The following RSBN1L variants were observed in gnomAD, a reference collection of about 807,000 sequenced individuals.
RSBN1L encodes the protein round spermatid basic protein 1 like.
Under a neutral mutation model 67.7 loss-of-function variants are expected in RSBN1L, and 30 were observed. The observed-to-expected ratio is 0.44, with a 90% CI of 0.33 to 0.60. RSBN1L has a LOEUF of 0.60. RSBN1L is among the 20% of genes least tolerant of loss of function. The probability of loss-of-function intolerance (pLI) is 0.02; values close to 1 mark genes in which losing one functional copy is unlikely to be tolerated. For synonymous variants in RSBN1L, 433 were observed against 387.0 expected (o/e 1.12, Z -1.39); for missense variants, 992 against 1,031.7 (o/e 0.96, Z 0.53).
intron 5 of RSBN1L, among the ~76,000 whole-genome samples, chr7:77,769,321 A>G (rs1791814578): frequency 6.6e-6 from 1 of 152,230 alleles, no homozygotes; most frequent in Admixed American, 6.5e-5. Flanking sequence ...AAATTACTAT[A>G]AAGTTCAAAT....
chr7:77,771,707 G>A (rs1315247783), intron 5 of RSBN1L, among the ~76,000 whole-genome samples: 9 of 151,838 alleles, frequency 5.9e-5, no homozygotes, highest in African/African-American at 7.2e-5. Flanking sequence ...ACGGGATTTC[G>A]CCGTTTTGGC....
At chr7:77,711,971 G>A (rs139327567) in intron 1 of RSBN1L, among the ~76,000 whole-genome samples, 1 of 152,120 alleles carries the variant, frequency 6.6e-6, no homozygotes, top group Non-Finnish European at 1.5e-5. Context: ...ACCTGTGTGA[G>A]GGTAAGGGTC....
chr7:77,750,103 T>C (rs775499437), intron 3 of RSBN1L, 39 bp downstream of exon 3: 36 of 1,255,078 alleles, frequency 2.9e-5, no homozygotes, highest in Middle Eastern at 2.9e-4. Context: ...CTTTTAATTA[T>C]ATATTTTTAG....
rs1242517037 is a variant in RSBN1L, at chr7:77,749,696, G to A, written c.976G>A (p.Val326Ile). The change falls in exon 3 of 8, where the codon GTC (valine) becomes ATC (isoleucine). Residue 326 changes from valine to isoleucine, a missense_variant. This residue lies in a region of RSBN1L where 575 missense variants were observed against 483.2 expected (regional missense o/e 1.19). Coordinates refer to ENST00000334955, the MANE Select transcript of RSBN1L (RefSeq NM_198467.3). ...TCCAGAGAACAGTGAGTTTCCATTTGTCTCATTAAAGGAGCCACGAGTTCA... is the reference window on the plus strand; with the variant it reads ...TCCAGAGAACAGTGAGTTTCCATTTATCTCATTAAAGGAGCCACGAGTTCA... Reference protein sequence around the residue: ...KIPENSEFPFVSLKEPRVQNN... With the variant: ...KIPENSEFPFISLKEPRVQNN... 24 of 1,614,090 alleles carry A rather than the reference G, an allele frequency of 1.5e-5. No homozygotes were observed. Among genetic ancestry groups the A allele is most frequent in the Non-Finnish European group, 1.9e-5 (22 of 1,179,996 alleles).
At chr7:77,736,111 C>T (rs1489553532) in intron 1 of RSBN1L, among the ~76,000 whole-genome samples, 1 of 151,964 alleles carries the variant, frequency 6.6e-6, no homozygotes, top group Non-Finnish European at 1.5e-5. Flanking sequence ...TTTTGCTTCA[C>T]CTAAAGTTAG....
Position 77,696,998 on chromosome 7 carries a change from C to G in RSBN1L, c.529C>G (p.Arg177Gly). 3.9e-6 allele frequency: 6 copies of G among 1,536,198 alleles called. No individual in the cohort carries two copies. Among genetic ancestry groups the G allele is most frequent in the South Asian group, 1.2e-5 (1 of 84,406 alleles). The change falls in exon 1 of 8, where the codon CGA becomes GGA. Residue 177 changes from arginine to glycine, a missense_variant. Physicochemically the swap from Arg to Gly is moderately radical, Grantham distance 125. This residue lies in a region of RSBN1L where 575 missense variants were observed against 483.2 expected (regional missense o/e 1.19). Transcript: ENST00000334955. ...GAGGAGGCACGGTCTCGGTGGGGCC[C>G]GAGAGGCCGGCGGGGCCTCCCGGGA... ...ERRRHGLGGA[R>G]EAGGASREEN...
chr7:77,711,343 T>TA (rs1491166420), intron 1 of RSBN1L, among the ~76,000 whole-genome samples: 1 of 123,942 alleles, frequency 8.1e-6, no homozygotes, highest in African/African-American at 3.5e-5. Context: ...TTTTTTTTTT[T>TA]ACCATTTTTA....
rs1190739379 is a variant in RSBN1L at position 77,767,727 on chromosome 7, C to T, written c.1483-934C>T. The stretch of plus-strand genomic sequence containing the variant: ...CCCTTCACCTCTGTCTCTCGCCTCG[C>T]CTCCCCTCCCCTCCCCTCCCCCCTT... On this transcript the variant is annotated intron_variant, in intron 4 of 7. Transcript: ENST00000334955. Among the ~76,000 whole-genome samples the T allele has an allele frequency of 9.6e-4, 77 of 80,002 alleles. 1 individual carries two copies. The highest frequency in any genetic ancestry group is 4.9e-3 in the African/African-American group (75 of 15,416). The allele number at this position is 80,002 out of a possible 152,430, so 52.5% of individuals were successfully genotyped here.
chr7:77,698,001 G>T (rs372664854), intron 1 of RSBN1L, among the ~76,000 whole-genome samples: 1 of 152,300 alleles, frequency 6.6e-6, no homozygotes, highest in South Asian at 2.1e-4. Flanking sequence ...TATTATAAAT[G>T]TGCACTGCTA....
chr7:77,773,665 A>T (rs1791875954), intron 6 of RSBN1L, among the ~76,000 whole-genome samples: 1 of 152,180 alleles, frequency 6.6e-6, no homozygotes, highest in African/African-American at 2.4e-5. Flanking sequence ...CAGGAGCCTG[A>T]GGCAGGAGAA....
intron 1 of RSBN1L, among the ~76,000 whole-genome samples, chr7:77,699,831 T>A (rs1359983483): frequency 6.6e-6 from 1 of 151,866 alleles, no homozygotes; most frequent in Non-Finnish European, 1.5e-5. Context: ...AGTCTCGCTC[T>A]TGTTGGCCAG....
At chr7:77,724,673 G>A (rs571037988) in intron 1 of RSBN1L, among the ~76,000 whole-genome samples, 1 of 151,944 alleles carries the variant, frequency 6.6e-6, no homozygotes, top group East Asian at 1.9e-4. Context: ...TGATCCACCT[G>A]CCTTGCCCTC....
chr7:77,714,352 C>G (rs758935423), intron 1 of RSBN1L, among the ~76,000 whole-genome samples: 2 of 152,182 alleles, frequency 1.3e-5, no homozygotes, highest in African/African-American at 4.8e-5. Context: ...AGAAAGTTCT[C>G]TCTTGCTACT....
chr7:77,752,447 G>C (rs978418166), intron 3 of RSBN1L, among the ~76,000 whole-genome samples: 1 of 152,196 alleles, frequency 6.6e-6, no homozygotes, highest in Non-Finnish European at 1.5e-5. Context: ...GTTGTGTGCA[G>C]ATTGGGGAGG....
At chr7:77,726,454 C>A (rs1349991849) in intron 1 of RSBN1L, among the ~76,000 whole-genome samples, 3 of 152,062 alleles carry the variant, frequency 2.0e-5, no homozygotes, top group Non-Finnish European at 4.4e-5. Flanking sequence ...ATGTTGTCCT[C>A]ATGATTAGAC....
intron 1 of RSBN1L, among the ~76,000 whole-genome samples, chr7:77,731,219 G>GTT (rs1791267402): frequency 6.6e-6 from 1 of 151,828 alleles, no homozygotes. Context: ...TTTTTGGTTT[G>GTT]TTTGTTTTTT....
At chr7:77,724,980 T>C (rs1423848718) in intron 1 of RSBN1L, among the ~76,000 whole-genome samples, 1 of 150,520 alleles carries the variant, frequency 6.6e-6, no homozygotes, top group Non-Finnish European at 1.5e-5. Context: ...GTAGCTGGGA[T>C]TATAGGCACA....
chr7:77,723,491 A>G (rs1002940413), intron 1 of RSBN1L, among the ~76,000 whole-genome samples: 10 of 152,040 alleles, frequency 6.6e-5, no homozygotes, highest in African/African-American at 2.4e-4. Context: ...ATTTTTTGAG[A>G]TAGGGTCTCA....
At chr7:77,734,280 T>C (rs1014138498) in intron 1 of RSBN1L, among the ~76,000 whole-genome samples, 2 of 152,194 alleles carry the variant, frequency 1.3e-5, no homozygotes, top group Admixed American at 6.5e-5. Flanking sequence ...TACATTAATA[T>C]TATACTTTAA....
Sources: gnomAD v4.1 joint callset for allele counts (sites outside exome capture counted in the v4.1 genomes callset) on GRCh38, gnomAD v4.1.1 for gene constraint, gnomAD v4.1.1 regional missense constraint, MANE v1.5 for transcripts, NCBI Gene and HGNC (gene_info 2026-07-23, HGNC 2026-07-21) for gene names.